PGLYRP3: variants seen among roughly 807,000 people sequenced by gnomAD.
The protein encoded by PGLYRP3 is peptidoglycan recognition protein I alpha.
Under a neutral mutation model 36.0 loss-of-function variants are expected in PGLYRP3, and 39 were observed. The ratio of observed to expected loss-of-function variants is 1.08; its 90% CI spans 0.84 to 1.41. PGLYRP3 has a LOEUF of 1.41. Ranked by LOEUF, PGLYRP3 falls within the 40% of genes most tolerant of loss-of-function variation. PGLYRP3 has a pLI of 0.00. For missense variants in PGLYRP3, 407 were observed against 427.9 expected (o/e 0.95, Z 0.43); for synonymous variants, 204 against 172.8 (o/e 1.18, Z -1.42).
Position 153,297,920 on chromosome 1 carries a change from G to A in PGLYRP3, c.*36C>T, listed in dbSNP as rs369192556. The A allele has an allele frequency of 6.2e-7, 1 of 1,604,734 alleles. No homozygotes were observed. Among genetic ancestry groups the A allele is most frequent in the Non-Finnish European group, 8.5e-7 (1 of 1,173,762 alleles). On this transcript the variant is annotated 3_prime_UTR_variant, in exon 8 of 8. Coordinates refer to ENST00000683862, the MANE Select transcript of PGLYRP3 (RefSeq NM_052891.3). The stretch of plus-strand genomic sequence containing the variant: ...GTGAGGGTTGGAGAGACCCAGCAGG[G>A]GAGGGAGGGCAGTCTCAAAGGGAGT...
rs774681175 is a variant in PGLYRP3, at chr1:153,303,878, G to A, written c.508C>T (p.His170Tyr). 1 of 1,613,572 alleles carries A rather than the reference G, an allele frequency of 6.2e-7. No homozygotes were observed. The highest frequency in any genetic ancestry group is 1.1e-5 in the South Asian group (1 of 91,006). ...LKEETCLDPQ[H>Y]PVMPRKVCPN... ...TTACCCTTCCTGGGCATCACTGGAT[G>A]TTGAGGGTCCAGGCAGGTCTCTTCT... Residue 170 changes from histidine to tyrosine, a missense_variant, in exon 5 of 8, where the codon CAT becomes TAT. Transcript: ENST00000683862.
At chr1:153,312,505 G>C (rs1046614655) in intron 1 of PGLYRP3, among the ~76,000 whole-genome samples, 138 bp downstream of exon 1, 6 of 152,058 alleles carry the variant, frequency 3.9e-5, no homozygotes, top group Non-Finnish European at 8.8e-5. Flanking sequence ...TGGAGAAAGA[G>C]TTCCAAAAAA....
chr1:153,311,523 T>C (rs780593729), intron 1 of PGLYRP3, among the ~76,000 whole-genome samples: 26 of 152,312 alleles, frequency 1.7e-4, no homozygotes, highest in Non-Finnish European at 3.7e-4. Context: ...ATGGACGTTC[T>C]CAATGTGGGC....
rs991491020 is a variant in PGLYRP3, at chr1:153,297,645, G to C, written c.*311C>G. 6.6e-6 allele frequency among the ~76,000 whole-genome samples: 1 copy of C among 151,698 alleles called. No individual in the cohort carries two copies. Among genetic ancestry groups the C allele is most frequent in the Non-Finnish European group, 1.5e-5 (1 of 67,948 alleles). On this transcript the variant is annotated 3_prime_UTR_variant, in exon 8 of 8. Transcript: ENST00000683862. ...AAAGAAAGAAGAGGAGACAGGGGTT[G>C]GGGGGAGAGAGAGAGAAATGCCACA... is the stretch of plus-strand genomic sequence containing the variant.
At chr1:153,308,625 G>C (rs1259874877) in intron 2 of PGLYRP3, among the ~76,000 whole-genome samples, 1 of 152,198 alleles carries the variant, frequency 6.6e-6, no homozygotes, top group Non-Finnish European at 1.5e-5. Flanking sequence ...TCCCCTGCAA[G>C]AGAGCACTGG....
rs200002985 is a variant in PGLYRP3, at chr1:153,305,066, C to T, written c.258-1G>A. The T allele has an allele frequency of 5.4e-5, 87 of 1,606,624 alleles. 1 individual carries two copies. The highest frequency in any genetic ancestry group is 4.1e-4 in the South Asian group (37 of 89,870). On this transcript the variant is annotated splice_acceptor_variant, in intron 3 of 7. Coordinates refer to ENST00000683862, the MANE Select transcript of PGLYRP3 (RefSeq NM_052891.3). LOFTEE classifies it high-confidence loss of function. The stretch of plus-strand genomic sequence containing the variant: ...CCTGCCATCATCCCCAACCAGGAAG[C>T]TGACAAGAAGGAAATAATGATTTTA...
At chr1:153,307,942 T>A (rs1659791889) in intron 2 of PGLYRP3, among the ~76,000 whole-genome samples, 1 of 151,908 alleles carries the variant, frequency 6.6e-6, no homozygotes, top group South Asian at 2.1e-4. Context: ...ACTGTCATGC[T>A]GGAGCTGGGA....
At chr1:153,303,754 C>T in intron 5 of PGLYRP3, 103 bp downstream of exon 5, 3 of 1,355,472 alleles carry the variant, frequency 2.2e-6, no homozygotes, top group Non-Finnish European at 3.0e-6. Context: ...TTCTTAGTCC[C>T]AGAATCCCAT....
rs770818380 is a variant in PGLYRP3, at chr1:153,297,921, G to A, written c.*35C>T. ...TGAGGGTTGGAGAGACCCAGCAGGGGAGGGAGGGCAGTCTCAAAGGGAGTG... is the reference window on the plus strand; with the variant it reads ...TGAGGGTTGGAGAGACCCAGCAGGGAAGGGAGGGCAGTCTCAAAGGGAGTG... On this transcript the variant is annotated 3_prime_UTR_variant, in exon 8 of 8. Transcript: ENST00000683862. 2 of 1,605,508 alleles carry A rather than the reference G, an allele frequency of 1.2e-6. No homozygotes were observed. The highest frequency in any genetic ancestry group is 1.3e-5 in the African/African-American group (1 of 74,918).
At chr1:153,310,559 G>C (rs752392126) in intron 2 of PGLYRP3, 52 bp downstream of exon 2, 2 of 1,561,950 alleles carry the variant, frequency 1.3e-6, no homozygotes, top group Admixed American at 1.7e-5. Flanking sequence ...ACTTGAGAAC[G>C]GTCTTCTCTT....
chr1:153,306,423 C>T (rs1380060830), intron 3 of PGLYRP3, among the ~76,000 whole-genome samples: 1 of 152,210 alleles, frequency 6.6e-6, no homozygotes, highest in African/African-American at 2.4e-5. Context: ...GTGCACAGCT[C>T]CTTCATGCCC....
In PGLYRP3 at chr1:153,299,152, C is replaced by T. The variant is rs144049973; in HGVS notation, c.808G>A (p.Asp270Asn). 1 of 1,614,130 alleles carries T rather than the reference C, an allele frequency of 6.2e-7. No homozygotes were observed. The highest frequency in any genetic ancestry group is 8.5e-7 in the Non-Finnish European group (1 of 1,180,030). Residue 270 changes from aspartate to asparagine, a missense_variant, in exon 7 of 8, where the codon GAT becomes AAT. Physicochemically the swap from Asp to Asn is conservative, Grantham distance 23 (BLOSUM62 1). Transcript: ENST00000683862. ...IQGSHTYGFN[D>N]IALGIAFIGY... The stretch of plus-strand genomic sequence containing the variant: ...ATGAAGGCAATTCCTAGGGCAATAT[C>T]GTTGAATCCATAAGTGTGAGAGCCT...
rs1340155329 is a variant in PGLYRP3 at position 153,304,961 on chromosome 1, A to G, written c.362T>C (p.Phe121Ser). The change falls in exon 4 of 8, where the codon TTT becomes TCT. Residue 121 changes from phenylalanine to serine, a missense_variant. Physicochemically the swap from Phe to Ser is radical, Grantham distance 155. Transcript: ENST00000683862. ...YNNISLGIAF[F>S]GNKIGSSPSP... ...GTGACCCTTACCTATCTTATTGCCAAAGAAGGCGATGCCCAGGGAAATGTT... is the reference window on the plus strand; with the variant it reads ...GTGACCCTTACCTATCTTATTGCCAGAGAAGGCGATGCCCAGGGAAATGTT... 6.2e-7 allele frequency: 1 copy of G among 1,613,412 alleles called. No individual in the cohort carries two copies.
chr1:153,305,614 C>A (rs1659721316), intron 3 of PGLYRP3, among the ~76,000 whole-genome samples: 1 of 152,066 alleles, frequency 6.6e-6, no homozygotes. Flanking sequence ...TTTATAATTT[C>A]TCTCCTCCAC....
intron 6 of PGLYRP3, among the ~76,000 whole-genome samples, chr1:153,299,917 A>G (rs949634131): frequency 6.6e-6 from 1 of 152,188 alleles, no homozygotes; most frequent in Non-Finnish European, 1.5e-5. Flanking sequence ...ACCAACTGCC[A>G]CGATCCCACT....
At chr1:153,301,442 G>A (rs1659595819) in intron 6 of PGLYRP3, among the ~76,000 whole-genome samples, 1 of 152,210 alleles carries the variant, frequency 6.6e-6, no homozygotes, top group African/African-American at 2.4e-5. Context: ...AAAAGTCAAG[G>A]AACGGGGATG....
chr1:153,306,887 G>A (rs1484355843), intron 3 of PGLYRP3, among the ~76,000 whole-genome samples, 179 bp downstream of exon 3: 1 of 152,206 alleles, frequency 6.6e-6, no homozygotes, highest in Non-Finnish European at 1.5e-5. Context: ...GTGGCTTAGA[G>A]TCATCCCTCT....
Position 153,302,392 on chromosome 1 carries a change from G to A in PGLYRP3, c.728+17C>T, listed in dbSNP as rs1659618137. 4 of 1,612,166 alleles carry A rather than the reference G, an allele frequency of 2.5e-6. No individual in the cohort carries two copies. The highest frequency in any genetic ancestry group is 3.4e-6 in the Non-Finnish European group (4 of 1,178,310). ...CCTGAAGAAAAAGAGGGTTCTTTTGGCATTGATCCCACTTACTGATATCCA... is the reference window on the plus strand; with the variant it reads ...CCTGAAGAAAAAGAGGGTTCTTTTGACATTGATCCCACTTACTGATATCCA... On this transcript the variant is annotated intron_variant, in intron 6 of 7. Transcript: ENST00000683862.
chr1:153,301,045 T>C (rs1659579968), intron 6 of PGLYRP3, among the ~76,000 whole-genome samples: 1 of 152,152 alleles, frequency 6.6e-6, no homozygotes, highest in Non-Finnish European at 1.5e-5. Flanking sequence ...TTCCAAGTAG[T>C]TGGGACTGAC....
Sources: allele counts gnomAD v4.1 joint callset (sites outside exome capture counted in the v4.1 genomes callset), GRCh38; gene constraint gnomAD v4.1.1; transcripts MANE v1.5; gene names NCBI Gene and HGNC (gene_info 2026-07-23, HGNC 2026-07-21).